The following ACTN2 variants were observed in gnomAD, a reference collection of about 807,000 sequenced individuals.
The protein encoded by ACTN2 is alpha-actinin-2.
ACTN2 carries 39 observed loss-of-function variants against 113.8 expected under a neutral mutation model. That is an observed-to-expected ratio of 0.34 (90% CI 0.27 to 0.45). The LOEUF (loss-of-function observed/expected upper bound fraction) is 0.45, where lower values mean the gene tolerates loss of function less well. Among genes scored for constraint, ACTN2 ranks in the 20% least tolerant of loss-of-function variants. The pLI, the probability that ACTN2 is intolerant of heterozygous loss-of-function variation, is 1.00. For missense variants in ACTN2, 992 were observed against 1,177.9 expected, an observed-to-expected ratio of 0.84 and a Z score of 2.31; for synonymous variants, 429 against 444.1, an observed-to-expected ratio of 0.97 and a Z score of 0.43.
At chr1:236,753,787 C>T (rs1659468392) in intron 15 of ACTN2, 160 bp from the exon 16 acceptor site, 1 of 884,246 alleles carries the variant, frequency 1.1e-6, no homozygotes, top group African/African-American at 1.6e-5. Flanking sequence ...ACTAGGGACT[C>T]CTCCTCCCTA....
chr1:236,691,098 T>C (rs1666066706), intron 1 of ACTN2, among the ~76,000 whole-genome samples: 1 of 151,714 alleles, frequency 6.6e-6, no homozygotes, highest in Admixed American at 6.6e-5. Flanking sequence ...TAGCTAGGAT[T>C]ACAGCTGGCT....
At chr1:236,717,386 A>G (rs1658252196) in intron 1 of ACTN2, among the ~76,000 whole-genome samples, 1 of 152,132 alleles carries the variant, frequency 6.6e-6, no homozygotes, top group African/African-American at 2.4e-5. Context: ...GCAGTGAGCC[A>G]TGATCACACC....
intron 15 of ACTN2, 101 bp from the exon 16 acceptor site, chr1:236,753,846 T>TCCCCCCCCCCC: frequency 4.6e-6 from 6 of 1,303,054 alleles, no homozygotes; most frequent in East Asian, 2.9e-5. Flanking sequence ...TTTCTCCTTC[T>TCCCCCCCCCCC]CCACTCCCAC....
chr1:236,727,692 T>G lies in ACTN2; in HGVS notation c.551T>G (p.Leu184Arg), dbSNP rs1658594172. The part of the protein sequence containing the change: ...QNFHTSWKDG[L>R]GLCALIHRHR... The stretch of plus-strand genomic sequence containing the variant: ...CGGCTGTGAAGCTGGAAAGATGGCC[T>G]TGGACTCTGTGCCCTCATCCACCGA... Residue 184 changes from leucine (L) to arginine (R), a missense_variant, in exon 6 of 21, where the codon CTT (leucine) becomes CGT (arginine). By Grantham distance (102) the Leu-to-Arg change is moderately radical. Coordinates refer to ENST00000366578, the MANE Select transcript of ACTN2 (RefSeq NM_001103.4). 1.2e-6 allele frequency: 2 copies of G among 1,614,012 alleles called. No individual in the cohort carries two copies. Among genetic ancestry groups the G allele is most frequent in the African/African-American group, 1.3e-5 (1 of 74,930 alleles).
intron 1 of ACTN2, among the ~76,000 whole-genome samples, chr1:236,702,010 G>A (rs578096024): frequency 4.6e-5 from 7 of 152,176 alleles, no homozygotes; most frequent in Non-Finnish European, 8.8e-5. Context: ...TGGTATCTGC[G>A]TAACTGGATA....
chr1:236,690,110 A>C (rs1666028064), intron 1 of ACTN2, among the ~76,000 whole-genome samples: 1 of 152,172 alleles, frequency 6.6e-6, no homozygotes, highest in African/African-American at 2.4e-5. Context: ...TACTCTTCAC[A>C]GTTGAGATGG....
intron 6 of ACTN2, among the ~76,000 whole-genome samples, chr1:236,730,299 G>A (rs819639): frequency 0.4 from 60,228 of 149,114 alleles, 13,040 homozygotes; most frequent in African/African-American, 0.56. Context: ...TGAAATCGCT[G>A]TATACTCTGT....
At chr1:236,759,170 A>G (rs114166168) in intron 18 of ACTN2, among the ~76,000 whole-genome samples, 1 of 152,196 alleles carries the variant, frequency 6.6e-6, no homozygotes. Context: ...GTGCAGCAGC[A>G]TGCTGTGATT....
intron 8 of ACTN2, 100 bp from the exon 9 acceptor site, chr1:236,737,022 C>G: frequency 1.0e-6 from 1 of 954,998 alleles, no homozygotes; most frequent in Non-Finnish European, 1.6e-6. Context: ...GTCTACAGCA[C>G]GCCACCCTCC....
intron 1 of ACTN2, among the ~76,000 whole-genome samples, chr1:236,715,042 C>T (rs991950580): frequency 6.6e-6 from 1 of 151,868 alleles, no homozygotes; most frequent in African/African-American, 2.4e-5. Context: ...AAGGGATATG[C>T]AAGAGACTGA....
intron 8 of ACTN2, 94 bp downstream of exon 8, chr1:236,735,814 CT>C: frequency 9.1e-7 from 1 of 1,104,782 alleles, no homozygotes; most frequent in Non-Finnish European, 1.4e-6. Flanking sequence ...CGCTTCACAT[CT>C]TACCTTGGAA....
intron 1 of ACTN2, among the ~76,000 whole-genome samples, chr1:236,691,642 C>T (rs767538571): frequency 6.6e-6 from 1 of 151,990 alleles, no homozygotes; most frequent in Non-Finnish European, 1.5e-5. Context: ...AAGACCCCAT[C>T]TCAAAAAATA....
intron 1 of ACTN2, among the ~76,000 whole-genome samples, chr1:236,689,536 T>C (rs1006450600): frequency 3.3e-5 from 5 of 151,754 alleles, no homozygotes; most frequent in Non-Finnish European, 4.4e-5. Context: ...TTAAAAACTT[T>C]TTTTGTAGAG....
At chr1:236,728,831 C>T (rs1304444079) in intron 6 of ACTN2, among the ~76,000 whole-genome samples, 1 of 152,070 alleles carries the variant, frequency 6.6e-6, no homozygotes, top group Non-Finnish European at 1.5e-5. Context: ...GAGTTTGAGG[C>T]TGCAGTGGAC....
intron 18 of ACTN2, among the ~76,000 whole-genome samples, chr1:236,757,963 AATACAAAACTCTG>A (rs1375865490): frequency 6.6e-6 from 1 of 152,188 alleles, no homozygotes; most frequent in African/African-American, 2.4e-5. Flanking sequence ...TAAAGACTTA[AATACAAAACTCTG>A]ATATGCTTTT....
In ACTN2 at chr1:236,695,098, G is replaced by A. The variant is rs934601412; in HGVS notation, c.126+8299G>A. ...AAAAAATGTTCAGGCCGGGCACAGT[G>A]TCTCATGCCTGTAATCCCAGCCCTT... On this transcript the variant is annotated intron_variant, in intron 1 of 20. Transcript: ENST00000366578. Among the ~76,000 whole-genome samples the A allele has an allele frequency of 1.1e-4, 17 of 151,768 alleles. No homozygotes were observed. The South Asian group carries it at 1.5e-3, about 13-fold the overall frequency.
intron 6 of ACTN2, among the ~76,000 whole-genome samples, chr1:236,729,883 C>A (rs1658665478): frequency 6.6e-6 from 1 of 152,334 alleles, no homozygotes; most frequent in Admixed American, 6.5e-5. Context: ...ATCCGTAGAT[C>A]TGTAGTAATT....
chr1:236,746,196 A>C (rs899906167), intron 12 of ACTN2, among the ~76,000 whole-genome samples: 1 of 151,784 alleles, frequency 6.6e-6, no homozygotes, highest in South Asian at 2.1e-4. Flanking sequence ...AAGAAAAAAA[A>C]AAAGAAAACG....
rs1659492520 is a variant in ACTN2, at chr1:236,754,457, C to T, written c.1974+376C>T. The stretch of plus-strand genomic sequence containing the variant: ...CCACAAATACTTTGCATTTTCAGAA[C>T]ATTTCAGGGACAGTGGTCTTTAAGT... On this transcript the variant is annotated intron_variant, in intron 16 of 20. Coordinates refer to ENST00000366578, the MANE Select transcript of ACTN2 (RefSeq NM_001103.4). This position sits in a 1 kb window ranked among gnomAD's most constrained non-coding sequence, Gnocchi z 4.9. Among the ~76,000 whole-genome samples the T allele has an allele frequency of 6.6e-6, 1 of 152,234 alleles. No homozygotes were observed.
Sources: allele counts gnomAD v4.1 joint callset (sites outside exome capture counted in the v4.1 genomes callset), GRCh38; gene constraint gnomAD v4.1.1; non-coding constraint Gnocchi (gnomAD v3.1); transcripts MANE v1.5; gene names NCBI Gene and HGNC (gene_info 2026-07-23, HGNC 2026-07-21).